The following PTGFR variants were observed in gnomAD, a reference collection of about 807,000 sequenced individuals.
PTGFR encodes the protein prostaglandin F receptor.
A neutral mutation model predicts 26.2 loss-of-function variants in PTGFR; 15 were observed. That is an observed-to-expected ratio of 0.57 (90% confidence interval 0.38 to 0.88). The LOEUF (loss-of-function observed/expected upper bound fraction) is 0.88, where lower values mean the gene tolerates loss of function less well. PTGFR is among the 40% of genes least tolerant of loss of function. PTGFR has a pLI of 0.00. For synonymous variants in PTGFR, 165 were observed against 151.1 expected (o/e 1.09, Z -0.68); for missense variants, 369 against 427.2 (o/e 0.86, Z 1.20).
intron 2 of PTGFR, among the ~76,000 whole-genome samples, chr1:78,525,587 T>C (rs968860436): frequency 6.6e-6 from 1 of 152,016 alleles, no homozygotes; most frequent in Non-Finnish European, 1.5e-5. Flanking sequence ...CATTTTGGTA[T>C]GTAGGCATAA....
rs1211954194 is a variant in PTGFR at position 78,536,440 on chromosome 1, A to G, written c.833A>G (p.His278Arg). ...GCCAACATTGGAATAAATGGAAATC[A>G]TTCTCTGGAAACCTGTGAAACAACA... ...TMANIGINGNHSLETCETTLF... is the reference protein window; with the variant it reads ...TMANIGINGNRSLETCETTLF... The change falls in exon 3 of 3, where the codon CAT (histidine) becomes CGT (arginine). Residue 278 changes from histidine (H) to arginine (R), a missense_variant. Transcript: ENST00000370757. 1 of 1,612,528 alleles carries G rather than the reference A, an allele frequency of 6.2e-7. No homozygotes were observed. The highest frequency in any genetic ancestry group is 1.3e-5 in the African/African-American group (1 of 74,868).
chr1:78,524,405 G>A (rs772708020), intron 2 of PTGFR, among the ~76,000 whole-genome samples: 1 of 152,094 alleles, frequency 6.6e-6, no homozygotes, highest in Admixed American at 6.6e-5. Flanking sequence ...ACCTAGATTC[G>A]ACTTATAATA....
intron 2 of PTGFR, among the ~76,000 whole-genome samples, chr1:78,509,868 C>G (rs1447560439): frequency 6.6e-6 from 1 of 152,182 alleles, no homozygotes; most frequent in African/African-American, 2.4e-5. Context: ...ACTGAATGAC[C>G]TATTTTACCT....
intron 2 of PTGFR, among the ~76,000 whole-genome samples, chr1:78,531,725 C>A (rs1373509451): frequency 2.0e-5 from 3 of 152,026 alleles, no homozygotes; most frequent in African/African-American, 7.2e-5. Flanking sequence ...GTTAACCCTC[C>A]TAACTCCTGT....
At chr1:78,514,957 C>T (rs906498724) in intron 2 of PTGFR, among the ~76,000 whole-genome samples, 4 of 151,976 alleles carry the variant, frequency 2.6e-5, no homozygotes, top group African/African-American at 7.2e-5. Flanking sequence ...CTTTACCAGA[C>T]ACAGATGCCA....
intron 2 of PTGFR, among the ~76,000 whole-genome samples, chr1:78,508,678 T>C (rs1197001732): frequency 1.3e-5 from 2 of 152,226 alleles, no homozygotes; most frequent in Non-Finnish European, 2.9e-5. Flanking sequence ...TGTTTCTAAC[T>C]GAGTTGTTCC....
chr1:78,536,726 A>G lies in PTGFR; in HGVS notation c.*39A>G, dbSNP rs768953367. ...TAAATCTGTGTGGGGCTAGAACAAA[A>G]TTAAGACATGTTTGGCAATATTTCA... On this transcript the variant is annotated 3_prime_UTR_variant, in exon 3 of 3. Coordinates refer to ENST00000370757, the MANE Select transcript of PTGFR (RefSeq NM_000959.4). The G allele has an allele frequency of 3.2e-6, 5 of 1,562,184 alleles. No homozygotes were observed. Among genetic ancestry groups the G allele is most frequent in the Non-Finnish European group, 3.5e-6 (4 of 1,157,240 alleles).
Position 78,502,788 on chromosome 1 carries a change from T to G in PTGFR, c.798+9247T>G, listed in dbSNP as rs536285922. The stretch of plus-strand genomic sequence containing the variant: ...ATATGTCAGGCACTGTTCTAGATAC[T>G]AGAATAATAATCACTGTAATTTAAC... On this transcript the variant is annotated intron_variant, in intron 2 of 2. Transcript: ENST00000370757. Among the ~76,000 whole-genome samples the G allele has an allele frequency of 1.5e-4, 23 of 152,276 alleles. 1 individual carries two copies. The highest frequency in any genetic ancestry group is 5.3e-4 in the African/African-American group (22 of 41,580).
chr1:78,497,735 A>T (rs1426024433), intron 2 of PTGFR: 6 of 636,096 alleles, frequency 9.4e-6, no homozygotes, highest in Non-Finnish European at 2.8e-6. Flanking sequence ...TGAGTTTTGT[A>T]GGTTAACAGC....
At chr1:78,532,408 G>T (rs1178837068) in intron 2 of PTGFR, 3 of 114,402 alleles carry the variant, frequency 2.6e-5, no homozygotes, top group Non-Finnish European at 3.6e-5. Flanking sequence ...GTATATATGT[G>T]TATATATATG....
intron 2 of PTGFR, among the ~76,000 whole-genome samples, chr1:78,502,249 T>C (rs1649727082): frequency 6.6e-6 from 1 of 152,148 alleles, no homozygotes. Context: ...TAAAGATCTT[T>C]CCTCAAGGAA....
chr1:78,508,205 G>A (rs1649872027), intron 2 of PTGFR, among the ~76,000 whole-genome samples: 1 of 151,864 alleles, frequency 6.6e-6, no homozygotes, highest in Admixed American at 6.6e-5. Flanking sequence ...ATATATCAGA[G>A]CTTCTTGATT....
chr1:78,506,609 A>G (rs939011366), intron 2 of PTGFR, among the ~76,000 whole-genome samples: 1 of 151,956 alleles, frequency 6.6e-6, no homozygotes, highest in African/African-American at 2.4e-5. Flanking sequence ...TTTCTATTTT[A>G]ATAAGTAAAT....
intron 2 of PTGFR, among the ~76,000 whole-genome samples, chr1:78,517,237 T>A (rs1650110605): frequency 6.6e-6 from 1 of 152,172 alleles, no homozygotes; most frequent in Non-Finnish European, 1.5e-5. Context: ...AAATTTTTTA[T>A]CAGTGCTTTC....
At chr1:78,515,491 A>T (rs1650071195) in intron 2 of PTGFR, among the ~76,000 whole-genome samples, 1 of 152,242 alleles carries the variant, frequency 6.6e-6, no homozygotes, top group African/African-American at 2.4e-5. Flanking sequence ...CTTCACGTGA[A>T]GTGTAGTCAA....
intron 2 of PTGFR, chr1:78,497,744 G>A (rs1649593498): frequency 1.5e-6 from 1 of 664,348 alleles, no homozygotes; most frequent in East Asian, 2.8e-5. Flanking sequence ...TAGGTTAACA[G>A]CCAAGCAGAC....
At chr1:78,532,526 T>TTG (rs1278281772) in intron 2 of PTGFR, among the ~76,000 whole-genome samples, 1 of 146,752 alleles carries the variant, frequency 6.8e-6, no homozygotes, top group Non-Finnish European at 1.5e-5. Context: ...GTGTATATAT[T>TTG]TGTGTGTGTA....
intron 2 of PTGFR, among the ~76,000 whole-genome samples, chr1:78,522,759 C>T (rs971283204): frequency 3.9e-5 from 6 of 152,054 alleles, no homozygotes; most frequent in Admixed American, 3.3e-4. Context: ...CCTTGGACGC[C>T]CCTGCAAAAT....
chr1:78,532,713 A>G (rs1183016397), intron 2 of PTGFR, among the ~76,000 whole-genome samples: 3 of 151,654 alleles, frequency 2.0e-5, no homozygotes, highest in Non-Finnish European at 2.9e-5. Flanking sequence ...GACTACAGGC[A>G]TGTGTCACCA....
Sources: gnomAD v4.1 joint callset for allele counts (sites outside exome capture counted in the v4.1 genomes callset) on GRCh38, gnomAD v4.1.1 for gene constraint, MANE v1.5 for transcripts, NCBI Gene and HGNC (gene_info 2026-07-23, HGNC 2026-07-21) for gene names.